The following NOL4 variants were observed in gnomAD, a reference collection of about 807,000 sequenced individuals.
The protein encoded by NOL4 is nucleolar protein 4, also known as cancer/testis antigen 125.
A neutral mutation model predicts 75.9 loss-of-function variants in NOL4; 17 were observed. That is an observed-to-expected ratio of 0.22 (90% CI 0.15 to 0.34). The LOEUF is 0.34. NOL4 is among the 10% of genes least tolerant of loss of function. The pLI is 1.00. For synonymous variants in NOL4, 292 were observed against 289.9 expected (o/e 1.01, Z -0.07); for missense variants, 614 against 793.5 (o/e 0.77, Z 2.72).
At chr18:34,198,614 A>C (rs1337179763) in intron 1 of NOL4, among the ~76,000 whole-genome samples, 2 of 151,858 alleles carry the variant, frequency 1.3e-5, no homozygotes, top group Non-Finnish European at 2.9e-5. Context: ...ACTTTAAAAA[A>C]AATTGCATAT....
At chr18:34,219,278 T>C (rs1194655897) in intron 1 of NOL4, among the ~76,000 whole-genome samples, 1 of 152,240 alleles carries the variant, frequency 6.6e-6, no homozygotes, top group African/African-American at 2.4e-5. Flanking sequence ...AGAAAAGTAT[T>C]ACATCTTTTG....
intron 9 of NOL4, among the ~76,000 whole-genome samples, chr18:33,902,833 T>G (rs2065822469): frequency 6.6e-6 from 1 of 152,172 alleles, no homozygotes; most frequent in Non-Finnish European, 1.5e-5. Context: ...ATGTTATATT[T>G]ATAGGTTTTT....
At chr18:34,145,289 C>T (rs1479478388) in intron 1 of NOL4, among the ~76,000 whole-genome samples, 1 of 151,850 alleles carries the variant, frequency 6.6e-6, no homozygotes, top group Non-Finnish European at 1.5e-5. Flanking sequence ...TAGTTATTAC[C>T]TTTTCTAGTC....
intron 9 of NOL4, among the ~76,000 whole-genome samples, chr18:33,901,555 G>C (rs2065749556): frequency 6.6e-6 from 1 of 152,048 alleles, no homozygotes; most frequent in African/African-American, 2.4e-5. Context: ...AATAGGTGCT[G>C]ATTGGATATC....
intron 6 of NOL4, among the ~76,000 whole-genome samples, chr18:34,016,603 AT>A (rs569570137): frequency 3.7e-4 from 56 of 152,110 alleles, no homozygotes; most frequent in African/African-American, 1.3e-3. Flanking sequence ...CCCATACATA[AT>A]CAGAATAACT....
intron 2 of NOL4, among the ~76,000 whole-genome samples, chr18:34,118,999 T>TA (rs2079994014): frequency 6.6e-6 from 1 of 152,174 alleles, no homozygotes. Flanking sequence ...TCTACAGCAT[T>TA]AATGTGCCTG....
chr18:34,199,973 T>TG (rs894080677), intron 1 of NOL4, among the ~76,000 whole-genome samples: 31 of 151,870 alleles, frequency 2.0e-4, no homozygotes, highest in African/African-American at 7.5e-4. Context: ...CATCTTAAGC[T>TG]GGGATATATA....
At chr18:33,862,693 G>A (rs1567971556) in intron 10 of NOL4, among the ~76,000 whole-genome samples, 2 of 152,228 alleles carry the variant, frequency 1.3e-5, no homozygotes, top group South Asian at 4.1e-4. Context: ...CTGGCCATCA[G>A]AGAAATGCAA....
intron 5 of NOL4, among the ~76,000 whole-genome samples, chr18:34,035,563 G>C (rs2075851004): frequency 6.6e-6 from 1 of 151,580 alleles, no homozygotes. Context: ...ATAATCTAAT[G>C]ATGATCCTCA....
At chr18:34,173,301 G>T (rs1377396457) in intron 1 of NOL4, among the ~76,000 whole-genome samples, 2 of 152,020 alleles carry the variant, frequency 1.3e-5, no homozygotes, top group African/African-American at 2.4e-5. Flanking sequence ...AAATAAAGAA[G>T]TTCTATAGAT....
chr18:33,884,379 C>A (rs1176235292), intron 9 of NOL4, among the ~76,000 whole-genome samples: 1 of 152,018 alleles, frequency 6.6e-6, no homozygotes, highest in Non-Finnish European at 1.5e-5. Flanking sequence ...GTGAATACAT[C>A]CAAACCTTTC....
chr18:34,105,246 G>A, intron 2 of NOL4, 86 bp from the exon 3 acceptor site: 1 of 873,104 alleles, frequency 1.1e-6, no homozygotes, highest in Non-Finnish European at 1.9e-6. Flanking sequence ...TTCCAAATAA[G>A]ACACGTTATT....
intron 5 of NOL4, among the ~76,000 whole-genome samples, chr18:34,050,990 A>G (rs912370194): frequency 6.6e-6 from 1 of 152,072 alleles, no homozygotes; most frequent in South Asian, 2.1e-4. Flanking sequence ...GACAAACTGC[A>G]TTACTAATCT....
intron 1 of NOL4, among the ~76,000 whole-genome samples, chr18:34,148,804 A>C (rs947430475): frequency 3.3e-5 from 5 of 151,724 alleles, no homozygotes; most frequent in African/African-American, 1.2e-4. Flanking sequence ...TAATATTGAC[A>C]GGGGGGTATT....
chr18:33,891,604 C>T (rs921436364), intron 9 of NOL4, among the ~76,000 whole-genome samples: 4 of 152,076 alleles, frequency 2.6e-5, no homozygotes, highest in Admixed American at 2.6e-4. Context: ...AATGGTGGCT[C>T]TTCTGAAAAA....
Position 33,860,554 on chromosome 18 carries a change from A to C in NOL4, c.1724-7519T>G, listed in dbSNP as rs377263765. Among the ~76,000 whole-genome samples the C allele has an allele frequency of 7.2e-5, 11 of 152,288 alleles. No homozygotes were observed. In the East Asian group the frequency reaches 2.1e-3, roughly 29 times the overall value. On this transcript the variant is annotated intron_variant, in intron 10 of 10. Transcript: ENST00000261592. Reference sequence around the variant, plus strand: ...TTGGGCTGAAACAATGGAGTTTTCTAGATATAGAATCATGTTGTCTGCAAA... The same window carrying C: ...TTGGGCTGAAACAATGGAGTTTTCTCGATATAGAATCATGTTGTCTGCAAA...
At chr18:34,024,189 AAAAAAATATAT>A (rs1392096632) in intron 5 of NOL4, among the ~76,000 whole-genome samples, 1 of 115,278 alleles carries the variant, frequency 8.7e-6, no homozygotes, top group Non-Finnish European at 1.9e-5. Context: ...AGGAAAAAAA[AAAAAAATATAT>A]ATATATATAT....
At chr18:34,126,907 A>C (rs1187773631) in intron 2 of NOL4, among the ~76,000 whole-genome samples, 3 of 152,010 alleles carry the variant, frequency 2.0e-5, no homozygotes, top group South Asian at 2.1e-4. Context: ...TTGTTCATGT[A>C]GATAACCAAG....
chr18:34,170,172 A>G (rs2032875249), intron 1 of NOL4, among the ~76,000 whole-genome samples: 1 of 148,532 alleles, frequency 6.7e-6, no homozygotes, highest in Non-Finnish European at 1.5e-5. Context: ...GGGCTGTTTA[A>G]GAACTATTTT....
Sources: allele counts gnomAD v4.1 joint callset (sites outside exome capture counted in the v4.1 genomes callset), GRCh38; gene constraint gnomAD v4.1.1; transcripts MANE v1.5; gene names NCBI Gene and HGNC (gene_info 2026-07-23, HGNC 2026-07-21).